Variants in ORC2 observed in about 807,000 individuals in gnomAD.
ORC2 encodes the protein origin recognition complex protein 2 homolog.
ORC2 carries 37 observed loss-of-function variants against 77.7 expected under a neutral mutation model. The ratio of observed to expected loss-of-function variants is 0.48; its 90% CI spans 0.37 to 0.63. The LOEUF is 0.63. Among genes scored for constraint, ORC2 ranks in the 20% least tolerant of loss-of-function variants. The pLI, the probability that ORC2 is intolerant of heterozygous loss-of-function variation, is 0.00. For synonymous variants in ORC2, 201 were observed against 229.5 expected (o/e 0.88, Z 1.12); for missense variants, 557 against 661.9 (o/e 0.84, Z 1.74).
At chr2:200,911,432 T>TA in intron 17 of ORC2, 45 bp from the exon 18 acceptor site, 1 of 1,034,812 alleles carries the variant, frequency 9.7e-7, no homozygotes, top group Non-Finnish European at 1.5e-6. Context: ...TCATAAGAGG[T>TA]ATATGAACTC....
In ORC2 at chr2:200,911,283, C is replaced by G; in HGVS notation, c.*18G>C. The G allele has an allele frequency of 1.3e-6, 2 of 1,519,756 alleles. No individual in the cohort carries two copies. Among genetic ancestry groups the G allele is most frequent in the Non-Finnish European group, 9.1e-7 (1 of 1,094,684 alleles). 94.1% of individuals were successfully genotyped at this position (1,519,756 alleles called of 1,614,324 possible). On this transcript the variant is annotated 3_prime_UTR_variant, in exon 18 of 18. Transcript: ENST00000234296. ...GGGTACAACCCTTCCATGGGAGATT[C>G]AAGAATAAAGGAAAGCTTCAAGCCT...
At chr2:200,929,393 G>A (rs571937703) in intron 11 of ORC2, among the ~76,000 whole-genome samples, 1 of 152,300 alleles carries the variant, frequency 6.6e-6, no homozygotes, top group East Asian at 1.9e-4. Flanking sequence ...GATTAACTTA[G>A]CTGTCATGGA....
chr2:200,953,778 C>A (rs1464889307), intron 4 of ORC2, among the ~76,000 whole-genome samples: 1 of 152,132 alleles, frequency 6.6e-6, no homozygotes, highest in Non-Finnish European at 1.5e-5. Flanking sequence ...TACCTAATGC[C>A]ACTGAACCCA....
Position 200,942,747 on chromosome 2 carries a change from C to CT in ORC2, c.358dup (p.Ser120LysfsTer9), listed in dbSNP as rs1193843659. ...ATCATTCTTCAAACTGAATGAAACA[C>CT]TTTTTTGTGGTGTTTTTGCTAGTTC... On this transcript the variant is annotated frameshift_variant, in exon 6 of 18. Coordinates refer to ENST00000234296, the MANE Select transcript of ORC2 (RefSeq NM_006190.5). LOFTEE classifies it high-confidence loss of function. 6 of 1,609,558 alleles carry CT rather than the reference C, an allele frequency of 3.7e-6. No individual in the cohort carries two copies. Among genetic ancestry groups the CT allele is most frequent in the Non-Finnish European group, 4.2e-6 (5 of 1,177,822 alleles).
chr2:200,915,347 A>C (rs1445366066), intron 15 of ORC2, among the ~76,000 whole-genome samples: 1 of 152,096 alleles, frequency 6.6e-6, no homozygotes, highest in Non-Finnish European at 1.5e-5. Context: ...AGAAGAACTT[A>C]AGGAAGTTTT....
At chr2:200,963,184 A>T in intron 1 of ORC2, 1 of 353,792 alleles carries the variant, frequency 2.8e-6, no homozygotes, top group East Asian at 4.2e-5. Flanking sequence ...TGCGGGGCAG[A>T]CTAACGAAAG....
intron 7 of ORC2, 91 bp downstream of exon 7, chr2:200,941,157 A>G (rs1033048204): frequency 6.1e-6 from 6 of 978,296 alleles, no homozygotes; most frequent in Admixed American, 3.9e-5. Context: ...ATATAAATTA[A>G]GAGATCAATT....
intron 11 of ORC2, among the ~76,000 whole-genome samples, chr2:200,930,745 T>C (rs2040925504): frequency 1.3e-5 from 2 of 152,162 alleles, no homozygotes; most frequent in South Asian, 2.1e-4. Context: ...TAAAAGTAAT[T>C]ATCATAAAAA....
chr2:200,909,585 TC>T lies in ORC2; in HGVS notation c.*1715del, dbSNP rs1293177059. On this transcript the variant is annotated 3_prime_UTR_variant, in exon 18 of 18. Coordinates refer to ENST00000234296, the MANE Select transcript of ORC2 (RefSeq NM_006190.5). ...CAGGCGTGGTGGCGTGTGCCTGTAG[TC>T]CCAGCTCAGGAGGCTGAGGCACAAG... 1 of 150,798 alleles carries T rather than the reference TC, an allele frequency of 6.6e-6. No individual in the cohort carries two copies. The highest frequency in any genetic ancestry group is 2.0e-4 in the East Asian group (1 of 5,114). The allele number at this position is 150,798 out of a possible 1,614,324, so 9.3% of individuals were successfully genotyped here.
chr2:200,933,532 T>C (rs2040980526), intron 10 of ORC2, among the ~76,000 whole-genome samples: 1 of 152,046 alleles, frequency 6.6e-6, no homozygotes, highest in South Asian at 2.1e-4. Context: ...AGGGGAAAAA[T>C]GCATAATTAC....
chr2:200,951,287 C>G (rs1313612865), intron 4 of ORC2, among the ~76,000 whole-genome samples: 2 of 152,014 alleles, frequency 1.3e-5, no homozygotes. Context: ...CTCTTTGTTG[C>G]TTCCAAGTTT....
chr2:200,949,590 G>T lies in ORC2; in HGVS notation c.292C>A (p.Gln98Lys). The change falls in exon 5 of 18, where the codon CAG (glutamine) becomes AAG (lysine). Residue 98 changes from glutamine to lysine, a missense_variant. Physicochemically the swap from Gln to Lys is moderately conservative, Grantham distance 53. Coordinates refer to ENST00000234296, the MANE Select transcript of ORC2 (RefSeq NM_006190.5). Reference sequence around the variant, plus strand: ...ATCTTTTCAGAGTGTTTTCTATTCTGAAAAGAATAAACTTTATTTCCACCA... The same window carrying T: ...ATCTTTTCAGAGTGTTTTCTATTCTTAAAAGAATAAACTTTATTTCCACCA... ...TGGGNKVYSFQNRKHSEKMAK... is the reference protein window; with the variant it reads ...TGGGNKVYSFKNRKHSEKMAK... 6.3e-7 allele frequency: 1 copy of T among 1,593,600 alleles called. No homozygotes were observed. Among genetic ancestry groups the T allele is most frequent in the South Asian group, 1.1e-5 (1 of 88,978 alleles).
intron 5 of ORC2, among the ~76,000 whole-genome samples, chr2:200,946,614 CCA>C (rs1028350535): frequency 2.6e-5 from 4 of 152,062 alleles, no homozygotes; most frequent in African/African-American, 9.7e-5. Flanking sequence ...GGATAATATT[CCA>C]GTTTTATGCA....
rs2041624874 is a variant in ORC2 at position 200,963,621 on chromosome 2, C to T, written c.-191G>A. 2.5e-6 allele frequency: 1 copy of T among 398,586 alleles called. No individual in the cohort carries two copies. The highest frequency in any genetic ancestry group is 3.6e-5 in the East Asian group (1 of 28,064). The allele number at this position is 398,586 out of a possible 1,614,324, so 24.7% of individuals were successfully genotyped here. On this transcript the variant is annotated 5_prime_UTR_variant, in exon 1 of 18. Transcript: ENST00000234296. ...CAATTTCCAGTAATTCGCGCCCGAC[C>T]ACCGGGGAGGTAAGGAGCACCGGAG...
Position 200,920,862 on chromosome 2 carries a change from AC to A in ORC2, c.1294+130del, listed in dbSNP as rs2040744296. ...TTAGATTGAGAACATCTTTTTGGCA[AC>A]CTGTGTTTTTAAACATGTAAAAGGG... On this transcript the variant is annotated intron_variant, in intron 14 of 17. Coordinates refer to ENST00000234296, the MANE Select transcript of ORC2 (RefSeq NM_006190.5). The A allele has an allele frequency of 5.6e-6, 3 of 531,066 alleles. No homozygotes were observed. The East Asian group carries it at 1.0e-4, about 18-fold the overall frequency. The allele number at this position is 531,066 out of a possible 1,614,324, so 32.9% of individuals were successfully genotyped here. A position where few individuals can be genotyped will look rare whatever the true frequency, so the allele number is the denominator to read the frequency against.
At chr2:200,941,316 A>C (rs750231552) in intron 6 of ORC2, 37 bp from the exon 7 acceptor site, 3 of 1,587,288 alleles carry the variant, frequency 1.9e-6, no homozygotes, top group Non-Finnish European at 2.6e-6. Context: ...CTTACTACGG[A>C]CACTTCACTT....
intron 1 of ORC2, chr2:200,963,064 A>G (rs1352456151): frequency 6.1e-6 from 1 of 164,034 alleles, no homozygotes; most frequent in Non-Finnish European, 1.3e-5. Context: ...AGGGCACTTT[A>G]CCACTGTCGT....
At chr2:200,935,997 G>A in intron 8 of ORC2, 105 bp from the exon 9 acceptor site, 1 of 852,476 alleles carries the variant, frequency 1.2e-6, no homozygotes, top group Non-Finnish European at 1.8e-6. Flanking sequence ...TCTGAATTCT[G>A]GTTTTGTCAT....
chr2:200,933,680 A>G (rs2040982648), intron 10 of ORC2, among the ~76,000 whole-genome samples, 196 bp downstream of exon 10: 1 of 152,148 alleles, frequency 6.6e-6, no homozygotes, highest in African/African-American at 2.4e-5. Context: ...AGGTGCTGAG[A>G]TTACAGGTAT....
Sources: gnomAD v4.1 joint callset for allele counts (sites outside exome capture counted in the v4.1 genomes callset) on GRCh38, gnomAD v4.1.1 for gene constraint, MANE v1.5 for transcripts, NCBI Gene and HGNC (gene_info 2026-07-23, HGNC 2026-07-21) for gene names.